Variants in CYP19A1 observed in about 807,000 individuals in gnomAD.
The protein encoded by CYP19A1 is aromatase.
A neutral mutation model predicts 44.4 loss-of-function variants in CYP19A1; 32 were observed. The ratio of observed to expected loss-of-function variants is 0.72; its 90% CI spans 0.54 to 0.97. The LOEUF (loss-of-function observed/expected upper bound fraction) is 0.97. CYP19A1 is among the 50% of genes least tolerant of loss of function. The pLI, the probability that CYP19A1 is intolerant of heterozygous loss-of-function variation, is 0.00. For missense variants in CYP19A1, 598 were observed against 637.8 expected, an observed-to-expected ratio of 0.94 and a Z score of 0.67; for synonymous variants, 212 against 215.6, an observed-to-expected ratio of 0.98 and a Z score of 0.14.
At chr15:51,308,297 C>T (rs1462174996) in intron 1 of CYP19A1, among the ~76,000 whole-genome samples, 1 of 152,220 alleles carries the variant, frequency 6.6e-6, no homozygotes, top group Non-Finnish European at 1.5e-5. Context: ...TGGGCTGCCT[C>T]TGATCCCCAC....
At chr15:51,282,973 C>T (rs1462408677) in intron 1 of CYP19A1, among the ~76,000 whole-genome samples, 1 of 152,060 alleles carries the variant, frequency 6.6e-6, no homozygotes, top group Non-Finnish European at 1.5e-5. Context: ...CCCATGGTTC[C>T]TGGAACAAGG....
intron 1 of CYP19A1, among the ~76,000 whole-genome samples, chr15:51,328,260 T>C (rs1280032642): frequency 1.3e-5 from 2 of 152,206 alleles, no homozygotes; most frequent in African/African-American, 4.8e-5. Flanking sequence ...TGTTTATATA[T>C]AAAATGGGGT....
chr15:51,304,890 CTTTTTTTTTT>C (rs545247348), intron 1 of CYP19A1, among the ~76,000 whole-genome samples: 5 of 104,578 alleles, frequency 4.8e-5, no homozygotes, highest in Admixed American at 2.9e-4. Context: ...GTGTCTCTTC[CTTTTTTTTTT>C]TTTTTTTTTT....
chr15:51,317,202 C>T (rs1566924192), intron 1 of CYP19A1, among the ~76,000 whole-genome samples: 1 of 151,832 alleles, frequency 6.6e-6, no homozygotes, highest in East Asian at 1.9e-4. Flanking sequence ...CCCAGGTTCA[C>T]GCCATTCTCC....
chr15:51,333,527 C>T (rs2036732922), intron 1 of CYP19A1, among the ~76,000 whole-genome samples: 1 of 152,200 alleles, frequency 6.6e-6, no homozygotes, highest in Admixed American at 6.5e-5. Context: ...GAAAGTAGCA[C>T]ATGTTTAGGG....
chr15:51,211,175 A>G (rs964149308), intron 9 of CYP19A1, 119 bp from the exon 10 acceptor site: 2 of 722,572 alleles, frequency 2.8e-6, no homozygotes, highest in East Asian at 2.6e-5. Flanking sequence ...ATCAGCTACA[A>G]TGCCCTCCAT....
chr15:51,294,486 C>T (rs1351648127), intron 1 of CYP19A1, among the ~76,000 whole-genome samples: 8 of 123,396 alleles, frequency 6.5e-5, no homozygotes, highest in African/African-American at 1.3e-4. Flanking sequence ...GCAGCTGCCC[C>T]GTCTGAGAAG....
rs141025287 is a variant in CYP19A1, at chr15:51,264,590, C to T, written c.-38-21640G>A. On this transcript the variant is annotated intron_variant, in intron 1 of 9. Transcript: ENST00000396402. ...AAATTATAGAATTTATTATTGAAAA[C>T]GCAGGGCAGAAGGAAAAAATGGAGT... Among the ~76,000 whole-genome samples the T allele has an allele frequency of 4.5e-3, 687 of 152,146 alleles. 10 individuals are homozygous for T. Among genetic ancestry groups the T allele is most frequent in the African/African-American group, 0.016 (668 of 41,494 alleles).
chr15:51,289,416 C>G (rs1182245217), intron 1 of CYP19A1, among the ~76,000 whole-genome samples: 1 of 152,188 alleles, frequency 6.6e-6, no homozygotes, highest in Non-Finnish European at 1.5e-5. Flanking sequence ...CTGCCCCTGA[C>G]TCCTGCTCCA....
chr15:51,287,395 G>T (rs1205361125), intron 1 of CYP19A1, among the ~76,000 whole-genome samples: 1 of 152,170 alleles, frequency 6.6e-6, no homozygotes, highest in Non-Finnish European at 1.5e-5. Flanking sequence ...ATATCAGGCA[G>T]GTCTGCTTGG....
intron 1 of CYP19A1, among the ~76,000 whole-genome samples, chr15:51,276,944 C>T (rs1286423265): frequency 6.6e-6 from 1 of 151,834 alleles, no homozygotes; most frequent in Non-Finnish European, 1.5e-5. Context: ...CAAAGCATCC[C>T]ATTTTCTGGT....
intron 1 of CYP19A1, among the ~76,000 whole-genome samples, chr15:51,317,234 T>C (rs574841293): frequency 6.6e-6 from 1 of 152,222 alleles, no homozygotes; most frequent in African/African-American, 2.4e-5. Context: ...CCCGAGTAGC[T>C]GGGACTACAG....
chr15:51,231,751 C>G (rs1485965968), intron 3 of CYP19A1, among the ~76,000 whole-genome samples: 2 of 152,092 alleles, frequency 1.3e-5, no homozygotes, highest in Non-Finnish European at 2.9e-5. Flanking sequence ...TTCACTCTCT[C>G]ACTCTTCTAG....
At chr15:51,295,064 A>G (rs1187522860) in intron 1 of CYP19A1, among the ~76,000 whole-genome samples, 1 of 151,114 alleles carries the variant, frequency 6.6e-6, no homozygotes, top group Non-Finnish European at 1.5e-5. Context: ...CTACTTGTTC[A>G]TTACAAAGAT....
chr15:51,257,216 A>G (rs909108545), intron 1 of CYP19A1, among the ~76,000 whole-genome samples: 1 of 152,218 alleles, frequency 6.6e-6, no homozygotes, highest in African/African-American at 2.4e-5. Flanking sequence ...AATCAGACCC[A>G]TGAAGTAGAT....
At chr15:51,213,189 A>G (rs2141036444) in intron 8 of CYP19A1, among the ~76,000 whole-genome samples, 2 of 152,294 alleles carry the variant, frequency 1.3e-5, no homozygotes, top group Middle Eastern at 3.4e-3. Context: ...TCTGCATCTC[A>G]TCAAGAAAGA....
At chr15:51,271,283 A>G (rs1227625723) in intron 1 of CYP19A1, among the ~76,000 whole-genome samples, 3 of 151,838 alleles carry the variant, frequency 2.0e-5, no homozygotes, top group Non-Finnish European at 4.4e-5. Context: ...TGGGAGCAAT[A>G]CCCCTCTAAC....
Position 51,212,561 on chromosome 15 carries a change from C to T in CYP19A1, c.1022G>A (p.Gly341Asp). The change falls in exon 9 of 10, where the codon GGT becomes GAT. Residue 341 changes from glycine to aspartate, a missense_variant and splice_region_variant. By Grantham distance (94) the Gly-to-Asp change is moderately conservative (BLOSUM62 -1). Coordinates refer to ENST00000396402, the MANE Select transcript of CYP19A1 (RefSeq NM_000103.4). The stretch of plus-strand genomic sequence containing the variant: ...ATCATCAATCTTTATGTCTCTCTCA[C>T]CTGTGGAAACAGATAAAAGGAACAA... ...AIIKEIQTVI[G>D]ERDIKIDDIQ... is the part of the protein sequence containing the mutation. The T allele has an allele frequency of 6.8e-7, 1 of 1,465,632 alleles. No individual in the cohort carries two copies. 90.8% of individuals were successfully genotyped at this position (1,465,632 alleles called of 1,614,324 possible).
intron 1 of CYP19A1, among the ~76,000 whole-genome samples, chr15:51,294,339 G>A (rs1281494569): frequency 2.0e-5 from 3 of 150,210 alleles, no homozygotes; most frequent in Non-Finnish European, 3.0e-5. Flanking sequence ...CGTCTGGGAT[G>A]TGAGGAGCGC....
Sources: gnomAD v4.1 joint callset for allele counts (sites outside exome capture counted in the v4.1 genomes callset) on GRCh38, gnomAD v4.1.1 for gene constraint, MANE v1.5 for transcripts, NCBI Gene and HGNC (gene_info 2026-07-23, HGNC 2026-07-21) for gene names.